The following OXR1 variants were observed in gnomAD, a reference collection of about 807,000 sequenced individuals.
OXR1 encodes the protein oxidation resistance 1.
In OXR1, 41 loss-of-function variants were observed where a neutral mutation model predicts 104.6. That is an observed-to-expected ratio of 0.39 (90% confidence interval 0.31 to 0.51). The LOEUF (loss-of-function observed/expected upper bound fraction) is 0.51, where lower values mean the gene tolerates loss of function less well. Among genes scored for constraint, OXR1 ranks in the 20% least tolerant of loss-of-function variants. The pLI, the probability that OXR1 is intolerant of heterozygous loss-of-function variation, is 0.77. For synonymous variants in OXR1, 348 were observed against 348.4 expected (o/e 1.00, Z 0.01); for missense variants, 955 against 1,031.9 (o/e 0.93, Z 1.02).
At chr8:106,459,941 G>A (rs570414654) in intron 2 of OXR1, among the ~76,000 whole-genome samples, 9 of 152,134 alleles carry the variant, frequency 5.9e-5, no homozygotes, top group African/African-American at 1.7e-4. Context: ...GCATCCATAC[G>A]TTTCTCTTCC....
intron 4 of OXR1, chr8:106,682,477 C>G (rs1257033462): frequency 2.0e-5 from 3 of 153,554 alleles, no homozygotes; most frequent in Non-Finnish European, 4.4e-5. Flanking sequence ...ACCGTGTTAG[C>G]CAGGATGTTC....
chr8:106,555,918 G>C (rs937708089), intron 3 of OXR1, among the ~76,000 whole-genome samples: 3 of 26,922 alleles, frequency 1.1e-4, no homozygotes, highest in African/African-American at 3.7e-4. Context: ...GTAGGCATAC[G>C]TATATATATG....
chr8:106,402,334 C>G (rs192268280), intron 2 of OXR1, among the ~76,000 whole-genome samples: 4 of 152,308 alleles, frequency 2.6e-5, no homozygotes, highest in African/African-American at 9.6e-5. Flanking sequence ...TACTAGTTTT[C>G]TAGGTACAGA....
intron 3 of OXR1, among the ~76,000 whole-genome samples, chr8:106,644,514 T>A (rs1026676096): frequency 1.3e-5 from 2 of 152,148 alleles, no homozygotes; most frequent in Admixed American, 6.5e-5. Context: ...TTGGGTTGTA[T>A]TGGGAGCAGG....
chr8:106,346,117 G>C (rs1563729457), intron 1 of OXR1, among the ~76,000 whole-genome samples: 2 of 144,184 alleles, frequency 1.4e-5, no homozygotes. Flanking sequence ...ACCGCCGCCA[G>C]TGAATTGAAG....
intron 1 of OXR1, among the ~76,000 whole-genome samples, chr8:106,334,352 A>G (rs1467496937): frequency 2.0e-5 from 3 of 151,944 alleles, no homozygotes; most frequent in Non-Finnish European, 4.4e-5. Flanking sequence ...TCTAATAGTT[A>G]TTTCTTTGTG....
chr8:106,414,127 T>A (rs1563510300), intron 2 of OXR1, among the ~76,000 whole-genome samples: 1 of 152,148 alleles, frequency 6.6e-6, no homozygotes, highest in Non-Finnish European at 1.5e-5. Flanking sequence ...TAAATAAGGA[T>A]CTAAGGAGCT....
At chr8:106,416,422 G>GA (rs1238194381) in intron 2 of OXR1, among the ~76,000 whole-genome samples, 5 of 151,740 alleles carry the variant, frequency 3.3e-5, no homozygotes, top group African/African-American at 7.3e-5. Flanking sequence ...GTATTTCTTT[G>GA]AAAAAATAAA....
chr8:106,352,355 A>G (rs2130310903), intron 1 of OXR1, among the ~76,000 whole-genome samples: 1 of 152,336 alleles, frequency 6.6e-6, no homozygotes, highest in African/African-American at 2.4e-5. Flanking sequence ...TGTCAGAAAG[A>G]TTACATTTAT....
chr8:106,503,585 AAAG>A (rs933779685), intron 2 of OXR1, among the ~76,000 whole-genome samples: 1 of 152,196 alleles, frequency 6.6e-6, no homozygotes, highest in African/African-American at 2.4e-5. Context: ...GAAACAAACC[AAAG>A]AGCTTGGGGG....
intron 1 of OXR1, among the ~76,000 whole-genome samples, chr8:106,321,325 T>A (rs1287487140): frequency 6.6e-6 from 1 of 152,204 alleles, no homozygotes; most frequent in Non-Finnish European, 1.5e-5. Context: ...GTATATAGTA[T>A]AGATTTTATA....
intron 2 of OXR1, among the ~76,000 whole-genome samples, chr8:106,429,326 T>A (rs1056475497): frequency 1.3e-5 from 2 of 152,082 alleles, no homozygotes; most frequent in Non-Finnish European, 2.9e-5. Context: ...TTCTTCTAAT[T>A]GTCTTTAGAT....
chr8:106,445,603 A>G (rs1387729539), intron 2 of OXR1, among the ~76,000 whole-genome samples: 2 of 152,122 alleles, frequency 1.3e-5, no homozygotes, highest in African/African-American at 4.8e-5. Context: ...ATTTCCAACC[A>G]TGTCCATCAT....
At position 106,293,226 on chromosome 8, in the gene OXR1, C is replaced by T. The variant is rs139523186; in HGVS notation, c.-139+22859C>T. Among the ~76,000 whole-genome samples, 583 of 152,244 alleles carry T rather than the reference C, an allele frequency of 3.8e-3. 4 individuals carry two copies. The highest frequency in any genetic ancestry group is 0.013 in the African/African-American group (538 of 41,548). ...CTGTAACAACATGAGAAGCTTGGGC[C>T]AAAATGTAAATCACATTTTTTTCCA... On this transcript the variant is annotated intron_variant, in intron 1 of 16. Coordinates refer to ENST00000517566, the MANE Select transcript of OXR1 (RefSeq NM_001198533.2).
intron 2 of OXR1, among the ~76,000 whole-genome samples, chr8:106,394,442 G>A (rs2130453325): frequency 6.6e-6 from 1 of 151,934 alleles, no homozygotes; most frequent in East Asian, 1.9e-4. Context: ...CTATGATGTT[G>A]ATAATCATTA....
At chr8:106,356,165 G>T (rs1176252413) in intron 1 of OXR1, among the ~76,000 whole-genome samples, 1 of 152,170 alleles carries the variant, frequency 6.6e-6, no homozygotes, top group African/African-American at 2.4e-5. Context: ...ACAGGGAGAG[G>T]CAGCTAGCAA....
intron 2 of OXR1, among the ~76,000 whole-genome samples, chr8:106,459,299 C>G (rs1344650655): frequency 6.6e-6 from 1 of 151,948 alleles, no homozygotes; most frequent in Non-Finnish European, 1.5e-5. Context: ...GTAAGTTTGG[C>G]CCCCTTCCCT....
chr8:106,359,593 A>G lies in OXR1; in HGVS notation c.-21A>G. ...TTTCCTGTTCTGGAATCGAGAGAAG[A>G]CTCCTCAACAAGTTGCTGCAATGTC... On this transcript the variant is annotated 5_prime_UTR_variant, in exon 2 of 17. Transcript: ENST00000517566. The G allele has an allele frequency of 6.5e-7, 1 of 1,545,614 alleles. No individual in the cohort carries two copies. Among genetic ancestry groups the G allele is most frequent in the Non-Finnish European group, 8.8e-7 (1 of 1,141,336 alleles).
rs758539050 is a variant in OXR1, at chr8:106,703,051, A to G, written c.821A>G (p.Lys274Arg). The change falls in exon 8 of 17, where the codon AAA becomes AGA. Residue 274 changes from lysine (K) to arginine (R), a missense_variant. This residue lies in a region of OXR1 where 849 missense variants were observed against 852.9 expected (regional missense o/e 1.00). Transcript: ENST00000517566. The stretch of plus-strand genomic sequence containing the variant: ...GAGGTGATGTCAGCTGCAATGTACA[A>G]AGAAATTTTGGATAGCAAAATAAAG... ...MEEVMSAAMY[K>R]EILDSKIKES... 15 of 1,613,530 alleles carry G rather than the reference A, an allele frequency of 9.3e-6. No individual in the cohort carries two copies. In the South Asian group the frequency reaches 1.2e-4, roughly 13 times the overall value.
Sources: allele counts gnomAD v4.1 joint callset (sites outside exome capture counted in the v4.1 genomes callset), GRCh38; gene constraint gnomAD v4.1.1; regional missense constraint gnomAD v4.1.1; transcripts MANE v1.5; gene names NCBI Gene and HGNC (gene_info 2026-07-23, HGNC 2026-07-21).